MARCHF1: variants seen among roughly 807,000 people sequenced by gnomAD.
The protein encoded by MARCHF1 is membrane associated ring-CH-type finger 1.
In MARCHF1, 40 loss-of-function variants were observed where a neutral mutation model predicts 54.2. The observed-to-expected ratio is 0.74, with a 90% CI of 0.57 to 0.96. MARCHF1 has a LOEUF of 0.96. MARCHF1 is among the 40% of genes least tolerant of loss of function. The probability of loss-of-function intolerance (pLI) is 0.00; values close to 1 mark genes in which losing one functional copy is unlikely to be tolerated. For synonymous variants in MARCHF1, 236 were observed against 236.3 expected, an observed-to-expected ratio of 1.00 and a Z score of 0.01; for missense variants, 586 against 656.5, an observed-to-expected ratio of 0.89 and a Z score of 1.17.
chr4:163,576,464 G>T (rs888461751), intron 8 of MARCHF1, among the ~76,000 whole-genome samples: 1 of 152,048 alleles, frequency 6.6e-6, no homozygotes, highest in Admixed American at 6.6e-5. Context: ...GGCTCAGCAT[G>T]TAGTTGATCT....
rs549072765 is a variant in MARCHF1 at position 163,547,992 on chromosome 4, A to G, written c.1192-2249T>C. Among the ~76,000 whole-genome samples the G allele has an allele frequency of 3.3e-5, 5 of 152,300 alleles. No homozygotes were observed. In the East Asian group the frequency reaches 9.6e-4, roughly 29 times the overall value. ...TTAATAATGTGATTAAGGAATAAAC[A>G]GATGTTTCAATTTAGACTCTATTTT... On this transcript the variant is annotated intron_variant, in intron 8 of 9. Transcript: ENST00000514618.
chr4:163,932,632 A>G, intron 3 of MARCHF1: 1 of 448,440 alleles, frequency 2.2e-6, no homozygotes, highest in East Asian at 5.2e-5. Context: ...CTGTCCTATG[A>G]GGAGTGCAAC....
intron 2 of MARCHF1, among the ~76,000 whole-genome samples, chr4:164,048,207 A>G (rs991057686): frequency 3.3e-5 from 5 of 152,170 alleles, no homozygotes; most frequent in African/African-American, 1.2e-4. Flanking sequence ...ATATTTTTAA[A>G]TCAGCTTAAA....
rs147970807 is a variant in MARCHF1, at chr4:163,893,693, C to A, written c.-38-39524G>T. On this transcript the variant is annotated intron_variant, in intron 3 of 9. Transcript: ENST00000514618. ...AGAAAACATTAAAAAATGTATTGAG[C>A]CTTTGACACATAGATGAAGCTTAAA... Among the ~76,000 whole-genome samples, 136 of 152,128 alleles carry A rather than the reference C, an allele frequency of 8.9e-4. 2 individuals carry two copies. Among genetic ancestry groups the A allele is most frequent in the African/African-American group, 3.2e-3 (132 of 41,488 alleles).
At chr4:163,679,777 T>G (rs1461691630) in intron 5 of MARCHF1, among the ~76,000 whole-genome samples, 1 of 151,766 alleles carries the variant, frequency 6.6e-6, no homozygotes, top group Non-Finnish European at 1.5e-5. Flanking sequence ...CACGCCCGGC[T>G]AATTTTTTGT....
At chr4:163,649,895 A>G (rs1742903776) in intron 5 of MARCHF1, among the ~76,000 whole-genome samples, 1 of 151,960 alleles carries the variant, frequency 6.6e-6, no homozygotes, top group South Asian at 2.1e-4. Context: ...GTTCCTGATT[A>G]CTAGAGACAA....
At chr4:164,295,342 A>C (rs1236358953) in intron 1 of MARCHF1, among the ~76,000 whole-genome samples, 1 of 152,062 alleles carries the variant, frequency 6.6e-6, no homozygotes, top group East Asian at 1.9e-4. Context: ...CCCTTCTTGC[A>C]TCTGCTGTTT....
intron 1 of MARCHF1, among the ~76,000 whole-genome samples, chr4:164,368,239 C>A (rs1291408577): frequency 6.7e-6 from 1 of 149,356 alleles, no homozygotes. Context: ...TCATATAATT[C>A]TAGATGAAGT....
intron 5 of MARCHF1, among the ~76,000 whole-genome samples, chr4:163,641,232 ATC>A: frequency 6.6e-6 from 1 of 152,260 alleles, no homozygotes; most frequent in East Asian, 1.9e-4. Context: ...ACTTTATAAA[ATC>A]TGTCACTTTT....
At chr4:164,219,925 G>T (rs1732043685) in intron 1 of MARCHF1, among the ~76,000 whole-genome samples, 1 of 151,826 alleles carries the variant, frequency 6.6e-6, no homozygotes, top group South Asian at 2.1e-4. Flanking sequence ...CCCAGACACG[G>T]TGAAGTTACA....
chr4:163,558,884 G>A (rs1320950968), intron 8 of MARCHF1, among the ~76,000 whole-genome samples: 3 of 152,088 alleles, frequency 2.0e-5, no homozygotes, highest in Admixed American at 6.6e-5. Context: ...CTACTTCAGA[G>A]AACATTGATC....
intron 1 of MARCHF1, among the ~76,000 whole-genome samples, chr4:164,277,825 T>TTAG (rs1733925046): frequency 6.6e-6 from 1 of 152,170 alleles, no homozygotes; most frequent in South Asian, 2.1e-4. Context: ...AGTGCACCAT[T>TTAG]TAGAACTTAG....
intron 2 of MARCHF1, among the ~76,000 whole-genome samples, chr4:164,079,172 T>C (rs1277877120): frequency 2.0e-5 from 3 of 152,214 alleles, no homozygotes; most frequent in Non-Finnish European, 4.4e-5. Flanking sequence ...CATTGTAAAG[T>C]AGATTTTATA....
intron 1 of MARCHF1, among the ~76,000 whole-genome samples, chr4:164,275,015 TA>T (rs1441061968): frequency 3.3e-5 from 5 of 151,598 alleles, no homozygotes; most frequent in African/African-American, 1.2e-4. Flanking sequence ...TTGAAGATCA[TA>T]AAAAATATAA....
intron 1 of MARCHF1, among the ~76,000 whole-genome samples, chr4:164,112,479 G>A (rs1208709458): frequency 1.3e-5 from 2 of 151,744 alleles, no homozygotes; most frequent in Admixed American, 6.6e-5. Flanking sequence ...AAGTAATAGG[G>A]GATATTATTG....
intron 4 of MARCHF1, among the ~76,000 whole-genome samples, chr4:163,800,701 TTA>T: frequency 1.3e-5 from 2 of 152,204 alleles, no homozygotes; most frequent in Non-Finnish European, 2.9e-5. Flanking sequence ...TAGAAAATTA[TTA>T]TGTCACACTT....
intron 8 of MARCHF1, among the ~76,000 whole-genome samples, chr4:163,550,754 C>A (rs6815724): frequency 0.74 from 112,060 of 152,114 alleles, 41,552 homozygotes; most frequent in East Asian, 0.9. Flanking sequence ...AAACCTTTTA[C>A]AAATCCTTGG....
chr4:164,323,373 A>G (rs2110770660), intron 1 of MARCHF1, among the ~76,000 whole-genome samples: 1 of 151,878 alleles, frequency 6.6e-6, no homozygotes, highest in African/African-American at 2.4e-5. Context: ...TTAGGAAAAT[A>G]TACAGTCTGT....
At position 164,204,112 on chromosome 4, in the gene MARCHF1, G is replaced by C. The variant is rs1461216217; in HGVS notation, c.-322-92450C>G. Among the ~76,000 whole-genome samples, 7 of 152,012 alleles carry C rather than the reference G, an allele frequency of 4.6e-5. 1 individual carries two copies. The highest frequency in any genetic ancestry group is 3.3e-4 in the Admixed American group (5 of 15,254). ...TTTCCCTACTATATATGAGAAACAG[G>C]CTTGATTATGTTTCTCTGTCTAAGC... is the stretch of plus-strand genomic sequence containing the variant. On this transcript the variant is annotated intron_variant, in intron 1 of 9. Transcript: ENST00000514618.
Sources: allele counts gnomAD v4.1 joint callset (sites outside exome capture counted in the v4.1 genomes callset), GRCh38; gene constraint gnomAD v4.1.1; transcripts MANE v1.5; gene names NCBI Gene and HGNC (gene_info 2026-07-23, HGNC 2026-07-21).